ABLIM1: variants seen among roughly 807,000 people sequenced by gnomAD.
ABLIM1 encodes actin-binding LIM protein 1.
ABLIM1 carries 40 observed loss-of-function variants against 107.0 expected under a neutral mutation model. That is an observed-to-expected ratio of 0.37 (90% CI 0.29 to 0.49). The LOEUF (loss-of-function observed/expected upper bound fraction) is 0.49. Ranked by LOEUF, ABLIM1 falls within the 20% of genes least tolerant of loss-of-function variation. ABLIM1 has a pLI of 0.97. For missense variants in ABLIM1, 857 were observed against 1,008.5 expected (o/e 0.85, Z 2.04); for synonymous variants, 357 against 357.3 (o/e 1.00, Z 0.01).
chr10:114,439,725 G>A (rs185240597), intron 20 of ABLIM1: 11 of 350,598 alleles, frequency 3.1e-5, no homozygotes, highest in South Asian at 8.1e-5. Context: ...ATTTGAGAAC[G>A]CGCAGGAAAA....
chr10:114,554,143 T>C (rs1051296819), intron 4 of ABLIM1, among the ~76,000 whole-genome samples: 3 of 152,154 alleles, frequency 2.0e-5, no homozygotes, highest in Non-Finnish European at 4.4e-5. Context: ...CAGCCAGTGT[T>C]AGCAGAAAGA....
intron 1 of ABLIM1, among the ~76,000 whole-genome samples, chr10:114,637,007 G>A (rs142645123): frequency 0.012 from 1,816 of 148,986 alleles, 45 homozygotes; most frequent in African/African-American, 0.043. Context: ...CACTCCAGCC[G>A]GGGCAACAGA....
At chr10:114,632,209 C>T in intron 1 of ABLIM1, 7 of 985,394 alleles carry the variant, frequency 7.1e-6, no homozygotes, top group Non-Finnish European at 8.4e-6. Context: ...GCTACAGCTG[C>T]TGCTGTAACA....
At chr10:114,731,400 C>T (rs1273593172) in intron 1 of ABLIM1, among the ~76,000 whole-genome samples, 1 of 151,718 alleles carries the variant, frequency 6.6e-6, no homozygotes, top group Non-Finnish European at 1.5e-5. Flanking sequence ...CCTCGGCCTC[C>T]CAAAGTGCCA....
chr10:114,522,887 A>G (rs1387301741), intron 6 of ABLIM1, among the ~76,000 whole-genome samples: 1 of 152,204 alleles, frequency 6.6e-6, no homozygotes, highest in Admixed American at 6.5e-5. Context: ...GCGGTGGCTC[A>G]CGCCTGTAAT....
intron 1 of ABLIM1, among the ~76,000 whole-genome samples, chr10:114,714,856 G>C (rs548359611): frequency 6.6e-6 from 1 of 152,244 alleles, no homozygotes; most frequent in African/African-American, 2.4e-5. Flanking sequence ...ATATCTAGAC[G>C]AGGGATTGTT....
At chr10:114,643,303 G>A (rs2078833200) in intron 1 of ABLIM1, among the ~76,000 whole-genome samples, 1 of 152,208 alleles carries the variant, frequency 6.6e-6, no homozygotes, top group Non-Finnish European at 1.5e-5. Context: ...TGAGAGTGCT[G>A]TTGTTCTCGT....
chr10:114,655,398 G>C (rs1180130537), intron 1 of ABLIM1, among the ~76,000 whole-genome samples: 1 of 152,086 alleles, frequency 6.6e-6, no homozygotes, highest in Non-Finnish European at 1.5e-5. Context: ...AGCTTACCTG[G>C]CTTCCCCTTG....
At chr10:114,467,270 C>G (rs796693631) in intron 11 of ABLIM1, among the ~76,000 whole-genome samples, 1 of 152,168 alleles carries the variant, frequency 6.6e-6, no homozygotes, top group Non-Finnish European at 1.5e-5. Context: ...GTACAAAAAA[C>G]CACATGCACA....
Position 114,704,300 on chromosome 10 carries a change from CTCTATATATATATATATA to C in ABLIM1, c.-213+63743_-213+63760del, listed in dbSNP as rs1235202786. Among the ~76,000 whole-genome samples, 44 of 28,900 alleles carry C rather than the reference CTCTATATATATATATATA, an allele frequency of 1.5e-3. 1 individual carries two copies. Among genetic ancestry groups the C allele is most frequent in the South Asian group, 0.013 (11 of 840 alleles). 19.0% of individuals were successfully genotyped at this position (28,900 alleles called of 152,430 possible). On this transcript the variant is annotated intron_variant, in intron 1 of 15. Coordinates refer to the ABLIM1 transcript ENST00000651092. ...TCTCTCTCTCTCTCTCTCTCTCTCT[CTCTATATATATATATATA>C]TATATATATATATATATTGCGCGCG... is the stretch of plus-strand genomic sequence containing the variant.
chr10:114,674,727 G>A (rs1188623641), intron 1 of ABLIM1, among the ~76,000 whole-genome samples: 4 of 141,578 alleles, frequency 2.8e-5, no homozygotes, highest in Non-Finnish European at 6.1e-5. Flanking sequence ...TTTTTTTTGA[G>A]ATGGAGTCTT....
chr10:114,556,366 C>A (rs2068725304), intron 4 of ABLIM1, among the ~76,000 whole-genome samples: 1 of 152,208 alleles, frequency 6.6e-6, no homozygotes, highest in Non-Finnish European at 1.5e-5. Flanking sequence ...CCACGGGAAT[C>A]ACTGTTTAGA....
At chr10:114,765,073 CT>C in intron 1 of ABLIM1, 4 of 152,066 alleles carry the variant, frequency 2.6e-5, no homozygotes, top group Non-Finnish European at 4.4e-5. Flanking sequence ...CTTTTCTTTT[CT>C]TTTTTTTGGA....
rs538094885 is a variant in ABLIM1 at position 114,748,055 on chromosome 10, A to G, written c.-213+20006T>C. On this transcript the variant is annotated intron_variant, in intron 1 of 15. Coordinates refer to the ABLIM1 transcript ENST00000651092. ...ACTTCATCTCAAAATAAAATAAAATAAAGTCACTGAAAACAATAGCATATA... is the reference window on the plus strand; with the variant it reads ...ACTTCATCTCAAAATAAAATAAAATGAAGTCACTGAAAACAATAGCATATA... Among the ~76,000 whole-genome samples the G allele has an allele frequency of 2.0e-5, 3 of 152,270 alleles. No homozygotes were observed. The South Asian group carries it at 6.2e-4, about 32-fold the overall frequency.
chr10:114,461,971 A>G (rs1168559019), intron 12 of ABLIM1, among the ~76,000 whole-genome samples: 1 of 152,224 alleles, frequency 6.6e-6, no homozygotes, highest in Admixed American at 6.5e-5. Context: ...GATTGCTTCA[A>G]TAAGCAATAT....
chr10:114,600,296 G>A (rs1392321091), intron 2 of ABLIM1, among the ~76,000 whole-genome samples: 1 of 152,152 alleles, frequency 6.6e-6, no homozygotes, highest in Non-Finnish European at 1.5e-5. Flanking sequence ...TACTCACAGG[G>A]GTTTTCAGGA....
intron 6 of ABLIM1, among the ~76,000 whole-genome samples, chr10:114,498,407 C>T (rs1367665544): frequency 6.6e-6 from 1 of 152,152 alleles, no homozygotes; most frequent in African/African-American, 2.4e-5. Context: ...AATTCTAATG[C>T]CCTAAGCCCT....
At chr10:114,541,591 C>CA (rs1328395834) in intron 6 of ABLIM1, among the ~76,000 whole-genome samples, 3 of 152,178 alleles carry the variant, frequency 2.0e-5, no homozygotes, top group Non-Finnish European at 4.4e-5. Flanking sequence ...TTTTCTAGCT[C>CA]ACACGCCCAT....
chr10:114,479,722 A>C (rs2057054261), intron 8 of ABLIM1, among the ~76,000 whole-genome samples: 1 of 152,196 alleles, frequency 6.6e-6, no homozygotes. Context: ...GGGAGGTTAG[A>C]GGTCTCTCCC....
Sources: gnomAD v4.1 joint callset for allele counts (sites outside exome capture counted in the v4.1 genomes callset) on GRCh38, gnomAD v4.1.1 for gene constraint, MANE v1.5 for transcripts, NCBI Gene and HGNC (gene_info 2026-07-23, HGNC 2026-07-21) for gene names.